The following PLXNA4 variants were observed in gnomAD, a reference collection of about 807,000 sequenced individuals.
PLXNA4 encodes the protein plexin-A4.
Under a neutral mutation model 191.8 loss-of-function variants are expected in PLXNA4, and 44 were observed. The ratio of observed to expected loss-of-function variants is 0.23; its 90% confidence interval spans 0.18 to 0.29. PLXNA4 has a LOEUF of 0.29. PLXNA4 is among the 10% of genes least tolerant of loss of function. The pLI is 1.00. For synonymous variants in PLXNA4, 1,082 were observed against 1,009.5 expected, an observed-to-expected ratio of 1.07 and a Z score of -1.36; for missense variants, 1,800 against 2,488.8, an observed-to-expected ratio of 0.72 and a Z score of 5.89.
chr7:132,352,142 G>C (rs906608668), intron 3 of PLXNA4, among the ~76,000 whole-genome samples: 1 of 152,206 alleles, frequency 6.6e-6, no homozygotes, highest in Admixed American at 6.5e-5. Context: ...TCTCCTCACA[G>C]CTTCCCCACT....
At chr7:132,428,409 C>A (rs961824923) in intron 3 of PLXNA4, among the ~76,000 whole-genome samples, 3 of 152,238 alleles carry the variant, frequency 2.0e-5, no homozygotes, top group African/African-American at 7.2e-5. Flanking sequence ...AAAGCACAAA[C>A]AATCCGATGC....
intron 3 of PLXNA4, among the ~76,000 whole-genome samples, chr7:132,353,036 C>T (rs1451178045): frequency 6.6e-6 from 1 of 152,170 alleles, no homozygotes; most frequent in Non-Finnish European, 1.5e-5. Context: ...ATGTGAACGT[C>T]GCCTGCTCCC....
chr7:132,377,908 A>G (rs767508781), intron 3 of PLXNA4, among the ~76,000 whole-genome samples: 2 of 152,042 alleles, frequency 1.3e-5, no homozygotes, highest in African/African-American at 2.4e-5. Flanking sequence ...ACACACACCC[A>G]CGTTCTACTG....
chr7:132,594,388 CT>C (rs1357712337), intron 2 of PLXNA4, among the ~76,000 whole-genome samples: 1 of 152,208 alleles, frequency 6.6e-6, no homozygotes, highest in African/African-American at 2.4e-5. Flanking sequence ...TGCAGACACC[CT>C]GATCTCAGAC....
rs547792700 is a variant in PLXNA4, at chr7:132,188,798, G to A, written c.2857-1191C>T. Among the ~76,000 whole-genome samples, 6 of 152,042 alleles carry A rather than the reference G, an allele frequency of 3.9e-5. No individual in the cohort carries two copies. In the East Asian group the frequency reaches 1.2e-3, roughly 30 times the overall value. On this transcript the variant is annotated intron_variant, in intron 14 of 31. Coordinates refer to ENST00000321063, the MANE Select transcript of PLXNA4 (RefSeq NM_020911.2). ...GATCTCGCTGTGTGACTCTGGACAA[G>A]ACATTTCACCTCTCTCATCAACAAA... is the stretch of plus-strand genomic sequence containing the variant.
intron 2 of PLXNA4, among the ~76,000 whole-genome samples, chr7:132,615,927 ATCTCTCTCTCTCTC>A (rs370549958): frequency 6.0e-5 from 5 of 83,780 alleles, no homozygotes; most frequent in Admixed American, 1.3e-4. Flanking sequence ...CAGATAAAGG[ATCTCTCTCTCTCTC>A]TCTCTCTCTC....
At chr7:132,316,091 A>C (rs1801933226) in intron 3 of PLXNA4, among the ~76,000 whole-genome samples, 1 of 152,172 alleles carries the variant, frequency 6.6e-6, no homozygotes. Context: ...TACTTTTTCA[A>C]CTTGGAAAAA....
intron 1 of PLXNA4, among the ~76,000 whole-genome samples, chr7:132,511,217 C>T (rs935535664): frequency 5.3e-5 from 8 of 152,180 alleles, no homozygotes; most frequent in Admixed American, 4.6e-4. Flanking sequence ...CCCCAGAGCC[C>T]ATGCAAATAC....
chr7:132,484,692 G>T, intron 3 of PLXNA4: 1 of 1,451,222 alleles, frequency 6.9e-7, no homozygotes, highest in South Asian at 1.4e-5. Context: ...CATGTTCCTA[G>T]TCTATTTGGT....
intron 9 of PLXNA4, among the ~76,000 whole-genome samples, chr7:132,211,397 A>C (rs1172230578): frequency 2.0e-5 from 3 of 152,282 alleles, no homozygotes; most frequent in African/African-American, 7.2e-5. Context: ...TTCCCTATGC[A>C]ATCTGGATTC....
chr7:132,397,033 T>A (rs1457956621), intron 3 of PLXNA4, among the ~76,000 whole-genome samples: 1 of 152,206 alleles, frequency 6.6e-6, no homozygotes, highest in African/African-American at 2.4e-5. Context: ...GGCACAGGGA[T>A]GGGGGCTGGG....
chr7:132,132,435 C>CTGT lies in PLXNA4; in HGVS notation c.5589+611_5589+613dup, dbSNP rs1369333362. Among the ~76,000 whole-genome samples the CTGT allele has an allele frequency of 7.9e-3, 602 of 76,060 alleles. 16 individuals carry two copies. The highest frequency in any genetic ancestry group is 0.028 in the African/African-American group (554 of 19,878). 49.9% of individuals were successfully genotyped at this position (76,060 alleles called of 152,430 possible). On this transcript the variant is annotated intron_variant, in intron 31 of 31. Coordinates refer to ENST00000321063, the MANE Select transcript of PLXNA4 (RefSeq NM_020911.2). ...CTGTTCTGTTCTGTTCTGTTCTGTT[C>CTGT]TGTTCTGTTCTGTTCTGTTCTGTTC... is the stretch of plus-strand genomic sequence containing the variant.
intron 3 of PLXNA4, among the ~76,000 whole-genome samples, chr7:132,479,654 T>C (rs374127099): frequency 3.0e-4 from 45 of 152,322 alleles, no homozygotes; most frequent in Middle Eastern, 3.4e-3. Context: ...CATTCTTTTA[T>C]TAACCATTTT....
At chr7:132,343,415 C>T (rs2116758863) in intron 3 of PLXNA4, among the ~76,000 whole-genome samples, 1 of 152,336 alleles carries the variant, frequency 6.6e-6, no homozygotes, top group South Asian at 2.1e-4. Flanking sequence ...TCCCCTCCCA[C>T]AAGGTCCTGG....
chr7:132,432,198 G>A (rs544782489), intron 3 of PLXNA4, among the ~76,000 whole-genome samples: 1 of 152,234 alleles, frequency 6.6e-6, no homozygotes, highest in South Asian at 2.1e-4. Flanking sequence ...AACTGGTGAC[G>A]GACGACTCAC....
At chr7:132,142,650 C>T (rs1563053591) in intron 29 of PLXNA4, among the ~76,000 whole-genome samples, 1 of 152,184 alleles carries the variant, frequency 6.6e-6, no homozygotes, top group Non-Finnish European at 1.5e-5. Flanking sequence ...GTGTTTGCTT[C>T]ATCCCTGGAA....
chr7:132,148,943 A>C (rs2598201), intron 25 of PLXNA4, among the ~76,000 whole-genome samples: 8,450 of 152,250 alleles, frequency 0.056, 766 homozygotes, highest in African/African-American at 0.19. Flanking sequence ...GTGCTCAAAA[A>C]GTATTGGCCA....
At chr7:132,239,349 G>A (rs759031233) in intron 5 of PLXNA4, among the ~76,000 whole-genome samples, 3 of 152,194 alleles carry the variant, frequency 2.0e-5, no homozygotes, top group African/African-American at 7.2e-5. Context: ...TGTTCACAGG[G>A]CTCCGTGCTC....
At chr7:132,327,169 C>A (rs76696031) in intron 3 of PLXNA4, among the ~76,000 whole-genome samples, 10 of 124,488 alleles carry the variant, frequency 8.0e-5, no homozygotes, top group African/African-American at 5.7e-5. Context: ...AAAAGGAAGG[C>A]AAAAAAAAAA....
Sources: gnomAD v4.1 joint callset for allele counts (sites outside exome capture counted in the v4.1 genomes callset) on GRCh38, gnomAD v4.1.1 for gene constraint, MANE v1.5 for transcripts, NCBI Gene and HGNC (gene_info 2026-07-23, HGNC 2026-07-21) for gene names.